RAB35: variants seen among roughly 807,000 people sequenced by gnomAD.
RAB35 encodes ras-related protein Rab-35.
RAB35 carries 4 observed loss-of-function variants against 28.9 expected under a neutral mutation model. The observed-to-expected ratio is 0.14, with a 90% CI of 0.07 to 0.32. RAB35 has a LOEUF of 0.32. Ranked by LOEUF, RAB35 falls within the 10% of genes least tolerant of loss-of-function variation. The probability of loss-of-function intolerance (pLI) is 1.00; values close to 1 mark genes in which losing one functional copy is unlikely to be tolerated. For missense variants in RAB35, 128 were observed against 274.0 expected (o/e 0.47, Z 3.76); for synonymous variants, 99 against 105.1 (o/e 0.94, Z 0.35).
At chr12:120,097,608 G>T (rs962282198) in intron 5 of RAB35, among the ~76,000 whole-genome samples, 1 of 152,208 alleles carries the variant, frequency 6.6e-6, no homozygotes, top group Non-Finnish European at 1.5e-5. Context: ...TTAGCCGGGA[G>T]TGGTGGTGCA....
chr12:120,097,044 G>C lies in RAB35; in HGVS notation c.*201C>G, dbSNP rs1875440050. ...GGCCGGGGAGGAGGGGGCACCAGTA[G>C]GGAAGGGCGGGCTGGTCCAACACCT... On this transcript the variant is annotated 3_prime_UTR_variant, in exon 6 of 6. Coordinates refer to ENST00000229340, the MANE Select transcript of RAB35 (RefSeq NM_006861.7). 1 of 1,525,090 alleles carries C rather than the reference G, an allele frequency of 6.6e-7. No individual in the cohort carries two copies. The highest frequency in any genetic ancestry group is 8.8e-7 in the Non-Finnish European group (1 of 1,139,886). The allele number at this position is 1,525,090 out of a possible 1,614,324, so 94.5% of individuals were successfully genotyped here.
intron 2 of RAB35, among the ~76,000 whole-genome samples, chr12:120,104,658 G>A (rs11065020): frequency 8.6e-5 from 13 of 152,040 alleles, no homozygotes; most frequent in African/African-American, 2.9e-4. Context: ...TTTTTGGTGG[G>A]GGGGGGACAG....
At chr12:120,105,136 A>G (rs1875818832) in intron 2 of RAB35, among the ~76,000 whole-genome samples, 1 of 152,236 alleles carries the variant, frequency 6.6e-6, no homozygotes, top group Admixed American at 6.5e-5. Flanking sequence ...GGTGGGGAAC[A>G]AGGCAGGCTT....
chr12:120,108,810 G>A (rs558589382), intron 1 of RAB35: 8 of 443,856 alleles, frequency 1.8e-5, no homozygotes, highest in South Asian at 3.6e-5. Flanking sequence ...CACACGAAAC[G>A]GCCCCCAAGT....
At chr12:120,099,875 A>T (rs1460994729) in intron 3 of RAB35, among the ~76,000 whole-genome samples, 1 of 149,838 alleles carries the variant, frequency 6.7e-6, no homozygotes, top group East Asian at 1.9e-4. Context: ...CAATCCCCGG[A>T]GGAGGAGGGG....
intron 1 of RAB35, among the ~76,000 whole-genome samples, chr12:120,110,283 C>G (rs1876060234): frequency 2.4e-5 from 1 of 41,210 alleles, no homozygotes; most frequent in Non-Finnish European, 4.5e-5. Flanking sequence ...TGGGAGAAGC[C>G]CACAGCATTT....
In RAB35 at chr12:120,097,033, G is replaced by C; in HGVS notation, c.*212C>G. 6.6e-7 allele frequency: 1 copy of C among 1,520,244 alleles called. No homozygotes were observed. The highest frequency in any genetic ancestry group is 8.8e-7 in the Non-Finnish European group (1 of 1,137,050). 94.2% of individuals were successfully genotyped at this position (1,520,244 alleles called of 1,614,324 possible). A position where few individuals can be genotyped will look rare whatever the true frequency, so the allele number is the denominator to read the frequency against. Reference sequence around the variant, plus strand: ...CCAGGCGCCTTGGCCGGGGAGGAGGGGGCACCAGTAGGGAAGGGCGGGCTG... The same window carrying C: ...CCAGGCGCCTTGGCCGGGGAGGAGGCGGCACCAGTAGGGAAGGGCGGGCTG... On this transcript the variant is annotated 3_prime_UTR_variant, in exon 6 of 6. Coordinates refer to ENST00000229340, the MANE Select transcript of RAB35 (RefSeq NM_006861.7).
chr12:120,096,435 C>T lies in RAB35; in HGVS notation c.*810G>A, dbSNP rs1421378625. ...ATCTGTTAAAATAATCCTCCCATAG[C>T]CCCCCTGCCAGCCCCATCTCTGCAC... On this transcript the variant is annotated 3_prime_UTR_variant, in exon 6 of 6. Transcript: ENST00000229340. 8 of 1,287,218 alleles carry T rather than the reference C, an allele frequency of 6.2e-6. No individual in the cohort carries two copies. Among genetic ancestry groups the T allele is most frequent in the African/African-American group, 3.0e-5 (2 of 65,626 alleles). The allele number at this position is 1,287,218 out of a possible 1,614,324, so 79.7% of individuals were successfully genotyped here.
rs1875334851 is a variant in RAB35 at position 120,095,434 on chromosome 12, C to G, written c.*1811G>C. The G allele has an allele frequency of 6.6e-6, 1 of 152,470 alleles. No individual in the cohort carries two copies. The highest frequency in any genetic ancestry group is 1.9e-4 in the East Asian group (1 of 5,142). 9.4% of individuals were successfully genotyped at this position (152,470 alleles called of 1,614,324 possible). Reference sequence around the variant, plus strand: ...TATTGCTTGAATTTGCAAGCACACCCTCGCTGGCCTCGCCTGATCGCTCAG... The same window carrying G: ...TATTGCTTGAATTTGCAAGCACACCGTCGCTGGCCTCGCCTGATCGCTCAG... On this transcript the variant is annotated 3_prime_UTR_variant, in exon 6 of 6. Coordinates refer to ENST00000229340, the MANE Select transcript of RAB35 (RefSeq NM_006861.7).
At position 120,096,624 on chromosome 12, in the gene RAB35, G is replaced by A. The variant is rs927996178; in HGVS notation, c.*621C>T. ...TCTGTGGAACTGCAGGGCCTGCCTTGAGACCAGGTTCCCCAGCTCCCAGAA... is the reference window on the plus strand; with the variant it reads ...TCTGTGGAACTGCAGGGCCTGCCTTAAGACCAGGTTCCCCAGCTCCCAGAA... On this transcript the variant is annotated 3_prime_UTR_variant, in exon 6 of 6. Coordinates refer to ENST00000229340, the MANE Select transcript of RAB35 (RefSeq NM_006861.7). 1 of 1,289,780 alleles carries A rather than the reference G, an allele frequency of 7.8e-7. No homozygotes were observed. The highest frequency in any genetic ancestry group is 1.0e-6 in the Non-Finnish European group (1 of 988,902). The allele number at this position is 1,289,780 out of a possible 1,614,324, so 79.9% of individuals were successfully genotyped here.
chr12:120,101,049 C>G (rs551839870), intron 3 of RAB35, among the ~76,000 whole-genome samples: 1 of 152,300 alleles, frequency 6.6e-6, no homozygotes, highest in East Asian at 1.9e-4. Context: ...CTGCCTCATC[C>G]GGGGCCCAGG....
chr12:120,100,395 C>T (rs1875611428), intron 3 of RAB35, among the ~76,000 whole-genome samples: 1 of 152,224 alleles, frequency 6.6e-6, no homozygotes, highest in South Asian at 2.1e-4. Flanking sequence ...GGTGGCTAGT[C>T]CTTAACTGGG....
intron 1 of RAB35, among the ~76,000 whole-genome samples, chr12:120,114,045 C>A (rs1018359443): frequency 6.6e-6 from 1 of 152,168 alleles, no homozygotes; most frequent in African/African-American, 2.4e-5. Context: ...CCGGCTTTGC[C>A]CCTGCTGAGC....
chr12:120,109,653 C>T (rs1876032792), intron 1 of RAB35, among the ~76,000 whole-genome samples: 1 of 147,206 alleles, frequency 6.8e-6, no homozygotes, highest in Admixed American at 6.7e-5. Flanking sequence ...CTACGTTGCC[C>T]AGGCTTTTTT....
At chr12:120,107,136 G>A (rs948595641) in intron 2 of RAB35, among the ~76,000 whole-genome samples, 16 of 151,596 alleles carry the variant, frequency 1.1e-4, no homozygotes, top group South Asian at 2.1e-4. Context: ...TTATAGGTAT[G>A]CACCACCACG....
Position 120,096,073 on chromosome 12 carries a change from C to T in RAB35, c.*1172G>A. 5.1e-6 allele frequency: 1 copy of T among 197,930 alleles called. No individual in the cohort carries two copies. Among genetic ancestry groups the T allele is most frequent in the Middle Eastern group, 2.3e-3 (1 of 444 alleles). 12.3% of individuals were successfully genotyped at this position (197,930 alleles called of 1,614,324 possible). ...CACCCGCCAGGAAATCCTCTTGCTA[C>T]CTTTGTCCTGACAAAGGTTAGGACA... On this transcript the variant is annotated 3_prime_UTR_variant, in exon 6 of 6. Coordinates refer to ENST00000229340, the MANE Select transcript of RAB35 (RefSeq NM_006861.7).
At chr12:120,097,424 C>T (rs1875467766) in intron 5 of RAB35, 51 bp from the exon 6 acceptor site, 1 of 1,511,252 alleles carries the variant, frequency 6.6e-7, no homozygotes, top group South Asian at 1.2e-5. Context: ...CAGGAGGCCC[C>T]TGCTGGCCTG....
chr12:120,099,356 G>T (rs1356608999), intron 3 of RAB35: 2 of 670,410 alleles, frequency 3.0e-6, no homozygotes, highest in South Asian at 1.9e-5. Context: ...GACTCCCCCT[G>T]CCCGCCCGGG....
In RAB35 at chr12:120,097,016, C is replaced by T; in HGVS notation, c.*229G>A. On this transcript the variant is annotated 3_prime_UTR_variant, in exon 6 of 6. Coordinates refer to ENST00000229340, the MANE Select transcript of RAB35 (RefSeq NM_006861.7). ...CAGCGTCCTCGCCAGGTCCAGGCGC[C>T]TTGGCCGGGGAGGAGGGGGCACCAG... The T allele has an allele frequency of 6.6e-7, 1 of 1,511,174 alleles. No individual in the cohort carries two copies. Among genetic ancestry groups the T allele is most frequent in the Middle Eastern group, 1.7e-4 (1 of 5,886 alleles). 93.6% of individuals were successfully genotyped at this position (1,511,174 alleles called of 1,614,324 possible).
Sources: allele counts gnomAD v4.1 joint callset (sites outside exome capture counted in the v4.1 genomes callset), GRCh38; gene constraint gnomAD v4.1.1; transcripts MANE v1.5; gene names NCBI Gene and HGNC (gene_info 2026-07-23, HGNC 2026-07-21).